SNTG1: variants seen among roughly 807,000 people sequenced by gnomAD.
SNTG1 encodes the protein gamma-1-syntrophin.
Under a neutral mutation model 74.7 loss-of-function variants are expected in SNTG1, and 39 were observed. The observed-to-expected ratio is 0.52, with a 90% CI of 0.40 to 0.68. The LOEUF (loss-of-function observed/expected upper bound fraction) is 0.68. SNTG1 is among the 30% of genes least tolerant of loss of function. SNTG1 has a pLI of 0.00. For missense variants in SNTG1, 685 were observed against 609.5 expected (o/e 1.12, Z -1.30); for synonymous variants, 254 against 217.1 (o/e 1.17, Z -1.49).
intron 2 of SNTG1, among the ~76,000 whole-genome samples, chr8:50,206,655 G>T (rs765606438): frequency 1.8e-4 from 27 of 152,316 alleles, no homozygotes; most frequent in South Asian, 6.2e-4. Flanking sequence ...AGTTTTCAAA[G>T]GGGATGCTTC....
At chr8:50,442,109 G>A (rs576972562) in intron 5 of SNTG1, among the ~76,000 whole-genome samples, 5 of 152,262 alleles carry the variant, frequency 3.3e-5, no homozygotes, top group East Asian at 1.9e-4. Context: ...TGACACTCTC[G>A]CATCCCCATC....
intron 1 of SNTG1, among the ~76,000 whole-genome samples, chr8:49,941,627 C>T (rs376097306): frequency 2.2e-4 from 34 of 151,960 alleles, no homozygotes; most frequent in East Asian, 2.1e-3. Flanking sequence ...TGGCCTGCGG[C>T]CTGAGTGAGC....
intron 1 of SNTG1, among the ~76,000 whole-genome samples, chr8:50,016,098 A>G (rs1816287251): frequency 6.6e-6 from 1 of 152,084 alleles, no homozygotes; most frequent in Non-Finnish European, 1.5e-5. Flanking sequence ...AGAAAGCTGT[A>G]GTGGATCAGA....
intron 1 of SNTG1, among the ~76,000 whole-genome samples, chr8:50,009,303 A>G (rs1815544222): frequency 6.6e-6 from 1 of 152,096 alleles, no homozygotes; most frequent in African/African-American, 2.4e-5. Context: ...TGTGGAGTTT[A>G]ATGTTCTTAT....
At chr8:50,198,184 C>T (rs2083850259) in intron 2 of SNTG1, among the ~76,000 whole-genome samples, 1 of 152,102 alleles carries the variant, frequency 6.6e-6, no homozygotes, top group Non-Finnish European at 1.5e-5. Context: ...AGTGACTTGA[C>T]TTTAGACTCA....
chr8:49,970,983 A>G (rs932220334), intron 1 of SNTG1, among the ~76,000 whole-genome samples: 9 of 152,204 alleles, frequency 5.9e-5, no homozygotes, highest in African/African-American at 1.9e-4. Context: ...TATTCCAATC[A>G]ATAGAAAAAG....
chr8:50,429,013 C>T (rs1266750619), intron 4 of SNTG1, among the ~76,000 whole-genome samples: 1 of 151,800 alleles, frequency 6.6e-6, no homozygotes, highest in African/African-American at 2.4e-5. Context: ...AATGAAAAGA[C>T]ATACCATTTT....
At chr8:50,087,868 T>C (rs1224311938) in intron 1 of SNTG1, among the ~76,000 whole-genome samples, 1 of 150,526 alleles carries the variant, frequency 6.6e-6, no homozygotes, top group Admixed American at 6.6e-5. Context: ...GCCATGCTGG[T>C]GCGCTGCACC....
intron 1 of SNTG1, among the ~76,000 whole-genome samples, chr8:50,088,828 G>A (rs1823174934): frequency 6.7e-6 from 1 of 148,230 alleles, no homozygotes; most frequent in African/African-American, 2.4e-5. Context: ...TGGCCATACT[G>A]CCCAAGGTAA....
intron 2 of SNTG1, among the ~76,000 whole-genome samples, chr8:50,309,489 G>C (rs143612316): frequency 6.6e-6 from 1 of 152,090 alleles, no homozygotes; most frequent in East Asian, 1.9e-4. Flanking sequence ...AATGAATTTC[G>C]TATCAGATGT....
At chr8:50,496,592 A>T (rs2093906510) in intron 8 of SNTG1, among the ~76,000 whole-genome samples, 1 of 152,220 alleles carries the variant, frequency 6.6e-6, no homozygotes, top group East Asian at 1.9e-4. Flanking sequence ...TCTTCTTAAT[A>T]GATGAATGGA....
At chr8:50,568,806 C>G (rs1290633017) in intron 12 of SNTG1, 1 of 152,078 alleles carries the variant, frequency 6.6e-6, no homozygotes, top group African/African-American at 2.4e-5. Context: ...TGTGAGGAAG[C>G]CTTTTAGTTC....
chr8:49,994,761 T>C (rs1814045735), intron 1 of SNTG1, among the ~76,000 whole-genome samples: 1 of 151,980 alleles, frequency 6.6e-6, no homozygotes, highest in Admixed American at 6.6e-5. Flanking sequence ...AAGATGACAA[T>C]GTTTTATGGA....
chr8:50,607,006 A>G (rs2094817642), intron 13 of SNTG1, among the ~76,000 whole-genome samples: 1 of 151,932 alleles, frequency 6.6e-6, no homozygotes, highest in Non-Finnish European at 1.5e-5. Context: ...AAATTTTTCA[A>G]CTGTGTTTCT....
Position 50,082,991 on chromosome 8 carries a change from T to A in SNTG1, c.-102-89570T>A, listed in dbSNP as rs74998740. Among the ~76,000 whole-genome samples the A allele has an allele frequency of 4.6e-5, 7 of 152,302 alleles. No individual in the cohort carries two copies. In the East Asian group the frequency reaches 1.4e-3, roughly 29 times the overall value. On this transcript the variant is annotated intron_variant, in intron 1 of 18. Transcript: ENST00000642720. The stretch of plus-strand genomic sequence containing the variant: ...ATTGCCACTGAGATTTCCAGTTTAA[T>A]GTATAATACTCCCAATGAAGTGAGT...
chr8:49,971,646 T>A (rs1168144000), intron 1 of SNTG1, among the ~76,000 whole-genome samples: 2 of 152,178 alleles, frequency 1.3e-5, no homozygotes, highest in African/African-American at 2.4e-5. Context: ...CTCCTTAAGC[T>A]GACAGGCAAC....
intron 1 of SNTG1, among the ~76,000 whole-genome samples, chr8:50,061,555 C>T (rs1378296339): frequency 6.6e-6 from 1 of 151,994 alleles, no homozygotes; most frequent in African/African-American, 2.4e-5. Flanking sequence ...TGGTTTCCCT[C>T]CCCACTACTT....
chr8:50,128,265 C>G (rs891371546), intron 1 of SNTG1, among the ~76,000 whole-genome samples: 1 of 151,980 alleles, frequency 6.6e-6, no homozygotes, highest in African/African-American at 2.4e-5. Context: ...AGACATAGTC[C>G]AAGCATAAAC....
At chr8:50,009,507 G>C (rs1377267331) in intron 1 of SNTG1, among the ~76,000 whole-genome samples, 1 of 152,060 alleles carries the variant, frequency 6.6e-6, no homozygotes, top group Non-Finnish European at 1.5e-5. Flanking sequence ...TTGCATGGGG[G>C]TTTTGTGGTG....
Sources: allele counts gnomAD v4.1 joint callset (sites outside exome capture counted in the v4.1 genomes callset), GRCh38; gene constraint gnomAD v4.1.1; transcripts MANE v1.5; gene names NCBI Gene and HGNC (gene_info 2026-07-23, HGNC 2026-07-21).